The following TBC1D5 variants were observed in gnomAD, a reference collection of about 807,000 sequenced individuals.
TBC1D5 encodes the protein TBC1 domain family member 5.
TBC1D5 carries 75 observed loss-of-function variants against 100.3 expected under a neutral mutation model. That is an observed-to-expected ratio of 0.75 (90% confidence interval 0.62 to 0.91). The LOEUF is 0.91. Among genes scored for constraint, TBC1D5 ranks in the 40% least tolerant of loss-of-function variants. The pLI is 0.00. For synonymous variants in TBC1D5, 323 were observed against 325.6 expected (o/e 0.99, Z 0.09); for missense variants, 910 against 942.4 (o/e 0.97, Z 0.45).
rs183800662 is a variant in TBC1D5 at position 17,694,482 on chromosome 3, G to A, written c.-101+44861C>T. Among the ~76,000 whole-genome samples the A allele has an allele frequency of 6.6e-5, 10 of 152,312 alleles. No homozygotes were observed. In the East Asian group the frequency reaches 1.7e-3, roughly 26 times the overall value. ...CGTCAACAGCCGATTTGATCAACTA[G>A]AAGAAAGGGTATCAGTGATTGAAGA... On this transcript the variant is annotated intron_variant, in intron 1 of 21. Coordinates refer to ENST00000253692, the Ensembl canonical transcript of TBC1D5.
exon 22 of TBC1D5, chr3:17,159,067 T>TACTC (rs1225654872): frequency 6.6e-6 from 1 of 152,234 alleles, no homozygotes; most frequent in Non-Finnish European, 1.5e-5. Context: ...GGCAGCAGCT[T>TACTC]ACTCAGAGGT....
intron 1 of TBC1D5, among the ~76,000 whole-genome samples, chr3:17,703,769 C>G (rs1017971183): frequency 2.3e-4 from 35 of 151,998 alleles, no homozygotes; most frequent in African/African-American, 8.5e-4. Context: ...GGAATAGAAC[C>G]CAAAATTGCT....
At chr3:17,692,339 G>A (rs371845745) in intron 1 of TBC1D5, among the ~76,000 whole-genome samples, 2 of 152,230 alleles carry the variant, frequency 1.3e-5, no homozygotes, top group East Asian at 1.9e-4. Context: ...TGATCCACCC[G>A]CCTCAGCCTC....
At chr3:17,412,560 A>G (rs570998710) in intron 4 of TBC1D5, among the ~76,000 whole-genome samples, 1 of 152,226 alleles carries the variant, frequency 6.6e-6, no homozygotes, top group South Asian at 2.1e-4. Context: ...GTGGTGAAAT[A>G]TTTCAGTTTA....
chr3:17,191,777 C>T (rs920074703), intron 18 of TBC1D5, among the ~76,000 whole-genome samples: 2 of 150,448 alleles, frequency 1.3e-5, no homozygotes, highest in East Asian at 1.9e-4. Flanking sequence ...CTACCACACC[C>T]GGCTTTTTTT....
intron 15 of TBC1D5, among the ~76,000 whole-genome samples, chr3:17,262,354 T>C (rs1043586862): frequency 1.3e-5 from 2 of 152,180 alleles, no homozygotes; most frequent in Middle Eastern, 3.2e-3. Flanking sequence ...TATAATCTTA[T>C]GGGACCACTA....
chr3:17,719,994 C>A (rs1419460135), intron 1 of TBC1D5, among the ~76,000 whole-genome samples: 1 of 127,688 alleles, frequency 7.8e-6, no homozygotes, highest in East Asian at 3.4e-4. Flanking sequence ...TGCATGAATA[C>A]TAATATCACA....
At chr3:17,327,496 T>G (rs1290568387) in intron 13 of TBC1D5, among the ~76,000 whole-genome samples, 1 of 152,224 alleles carries the variant, frequency 6.6e-6, no homozygotes, top group Non-Finnish European at 1.5e-5. Context: ...TCAGCCTCGC[T>G]GGTTTGAGCA....
At position 17,662,349 on chromosome 3, in the gene TBC1D5, T is replaced by A. The variant is rs150050101; in HGVS notation, c.-100-38436A>T. 4.9e-3 allele frequency among the ~76,000 whole-genome samples: 747 copies of A among 152,340 alleles called. 4 individuals carry two copies. The highest frequency in any genetic ancestry group is 8.4e-3 in the Non-Finnish European group (569 of 68,034). ...ATCTCCTAATTTTCATGGCTAGAAG[T>A]TGTCACAGTGCCAAAGAAGTTTAGA... On this transcript the variant is annotated intron_variant, in intron 1 of 21. Coordinates refer to ENST00000253692, the Ensembl canonical transcript of TBC1D5.
chr3:17,325,146 C>T (rs1039111523), intron 13 of TBC1D5, among the ~76,000 whole-genome samples: 11 of 152,080 alleles, frequency 7.2e-5, no homozygotes, highest in African/African-American at 2.7e-4. Context: ...CAAACACCTG[C>T]ATATGTAGAT....
intron 2 of TBC1D5, among the ~76,000 whole-genome samples, chr3:17,555,070 C>T (rs1466249981): frequency 1.3e-5 from 2 of 151,858 alleles, no homozygotes; most frequent in African/African-American, 2.4e-5. Flanking sequence ...AGGATGGTCT[C>T]GATCTCCTGA....
At chr3:17,525,585 T>C (rs949140678) in intron 2 of TBC1D5, among the ~76,000 whole-genome samples, 1 of 152,108 alleles carries the variant, frequency 6.6e-6, no homozygotes, top group Admixed American at 6.5e-5. Context: ...CTTACTACTG[T>C]TCAGAAAAAA....
At chr3:17,629,527 G>A (rs1444384207) in intron 1 of TBC1D5, among the ~76,000 whole-genome samples, 1 of 152,138 alleles carries the variant, frequency 6.6e-6, no homozygotes, top group Admixed American at 6.5e-5. Context: ...ACAGTGTAAG[G>A]ACAGAGTCAA....
chr3:17,636,576 G>T (rs992287833), intron 1 of TBC1D5, among the ~76,000 whole-genome samples: 1 of 152,102 alleles, frequency 6.6e-6, no homozygotes, highest in African/African-American at 2.4e-5. Flanking sequence ...CGGATCACAA[G>T]ATCAGGAGAC....
intron 2 of TBC1D5, among the ~76,000 whole-genome samples, chr3:17,588,898 A>G (rs1468840490): frequency 6.6e-6 from 1 of 152,250 alleles, no homozygotes; most frequent in African/African-American, 2.4e-5. Context: ...AACTTCCGTA[A>G]GAGCTAAGAA....
rs538351703 is a variant in TBC1D5 at position 17,668,155 on chromosome 3, T to A, written c.-100-44242A>T. On this transcript the variant is annotated intron_variant, in intron 1 of 21. Coordinates refer to ENST00000253692, the Ensembl canonical transcript of TBC1D5. ...TATATAAAGGCATTTCACTTAAAAA[T>A]ATATATATATATTTAAGATATATAT... 2.1e-4 allele frequency among the ~76,000 whole-genome samples: 31 copies of A among 147,820 alleles called. No homozygotes were observed. The East Asian group carries it at 3.7e-3, about 18-fold the overall frequency.
chr3:17,362,226 T>C (rs2091786540), intron 13 of TBC1D5, among the ~76,000 whole-genome samples: 1 of 151,718 alleles, frequency 6.6e-6, no homozygotes, highest in South Asian at 2.1e-4. Flanking sequence ...TTGGGCAGAG[T>C]TCTTATATGT....
At chr3:17,511,697 C>A (rs1015253625) in intron 2 of TBC1D5, among the ~76,000 whole-genome samples, 17 of 151,918 alleles carry the variant, frequency 1.1e-4, no homozygotes, top group African/African-American at 4.1e-4. Context: ...AATTATAATT[C>A]TTTAGAACTT....
At chr3:17,338,766 T>C (rs1442502722) in intron 13 of TBC1D5, among the ~76,000 whole-genome samples, 1 of 152,262 alleles carries the variant, frequency 6.6e-6, no homozygotes, top group Non-Finnish European at 1.5e-5. Context: ...ACTTACGTCT[T>C]GTAATTTATT....
Sources: gnomAD v4.1 joint callset for allele counts (sites outside exome capture counted in the v4.1 genomes callset) on GRCh38, gnomAD v4.1.1 for gene constraint, MANE v1.5 for transcripts, NCBI Gene and HGNC (gene_info 2026-07-23, HGNC 2026-07-21) for gene names.